The following THSD4 variants were observed in gnomAD, a reference collection of about 807,000 sequenced individuals.
THSD4 encodes thrombospondin type 1 domain containing 4, also known as thrombospondin type-1 domain-containing protein 4.
A neutral mutation model predicts 119.0 loss-of-function variants in THSD4; 69 were observed. That is an observed-to-expected ratio of 0.58 (90% CI 0.48 to 0.71). The LOEUF is 0.71. Among genes scored for constraint, THSD4 ranks in the 30% least tolerant of loss-of-function variants. The pLI is 0.00. For synonymous variants in THSD4, 524 were observed against 540.4 expected, an observed-to-expected ratio of 0.97 and a Z score of 0.42; for missense variants, 1,393 against 1,391.1, an observed-to-expected ratio of 1.00 and a Z score of -0.02.
At chr15:71,742,630 G>T (rs2053258429) in intron 11 of THSD4, among the ~76,000 whole-genome samples, 1 of 152,158 alleles carries the variant, frequency 6.6e-6, no homozygotes, top group Non-Finnish European at 1.5e-5. Context: ...CCTTGTTCCT[G>T]CTTGCTAGCA....
intron 7 of THSD4, among the ~76,000 whole-genome samples, chr15:71,623,168 AG>A (rs563026010): frequency 4.8e-4 from 73 of 152,340 alleles, no homozygotes; most frequent in African/African-American, 1.7e-3. Flanking sequence ...AGGAAAACTG[AG>A]TGTTAGGAAC....
Position 71,524,587 on chromosome 15 carries a change from C to CTTTTTTT in THSD4, c.1152+112786_1152+112792dup, listed in dbSNP as rs71438517. On this transcript the variant is annotated intron_variant, in intron 7 of 17. Transcript: ENST00000261862. ...TAAGAGCCCTTCTTGGTTTATGCCT[C>CTTTTTTT]TTTTTTTTTTTTTTTTTTTTTTTTT... 4.9e-3 allele frequency among the ~76,000 whole-genome samples: 289 copies of CTTTTTTT among 59,530 alleles called. 25 individuals are homozygous for CTTTTTTT. The highest frequency in any genetic ancestry group is 7.9e-3 in the Non-Finnish European group (253 of 31,982). The allele number at this position is 59,530 out of a possible 152,430, so 39.1% of individuals were successfully genotyped here.
chr15:71,450,664 C>A (rs2047250824), intron 7 of THSD4, among the ~76,000 whole-genome samples: 1 of 152,164 alleles, frequency 6.6e-6, no homozygotes, highest in Non-Finnish European at 1.5e-5. Flanking sequence ...GTTCACAAGC[C>A]CCCATTTCAC....
chr15:71,242,719 C>A lies in THSD4; in HGVS notation c.535C>A (p.Gln179Lys). 1 of 1,614,194 alleles carries A rather than the reference C, an allele frequency of 6.2e-7. No homozygotes were observed. The highest frequency in any genetic ancestry group is 1.1e-5 in the South Asian group (1 of 91,070). The stretch of plus-strand genomic sequence containing the variant: ...TAAGGCCCCATATATCTTACCACTG[C>A]AGACAGACACTGCACACACGCCACA... Reference protein sequence around the residue: ...YGKAPYILPLQTDTAHTPQRL... With the variant: ...YGKAPYILPLKTDTAHTPQRL... Residue 179 changes from glutamine to lysine, a missense_variant, in exon 5 of 18, where the codon CAG becomes AAG. By Grantham distance (53) the Gln-to-Lys change is moderately conservative. Coordinates refer to ENST00000261862, the MANE Select transcript of THSD4 (RefSeq NM_024817.3).
intron 7 of THSD4, among the ~76,000 whole-genome samples, chr15:71,482,974 A>G (rs189448188): frequency 2.0e-5 from 3 of 152,330 alleles, no homozygotes; most frequent in East Asian, 3.9e-4. Context: ...CTCATTGGCC[A>G]GAACCATTGC....
intron 6 of THSD4, among the ~76,000 whole-genome samples, chr15:71,373,559 T>G (rs1353673158): frequency 1.3e-5 from 2 of 152,200 alleles, no homozygotes; most frequent in African/African-American, 2.4e-5. Context: ...ACTATATTTT[T>G]GGGATCTTTT....
chr15:71,163,358 A>G (rs2043264093), intron 3 of THSD4, among the ~76,000 whole-genome samples: 1 of 152,054 alleles, frequency 6.6e-6, no homozygotes, highest in African/African-American at 2.4e-5. Flanking sequence ...AATGGAAAGA[A>G]TCCAAGTCAA....
At chr15:71,487,710 T>C (rs1306747681) in intron 7 of THSD4, among the ~76,000 whole-genome samples, 1 of 152,248 alleles carries the variant, frequency 6.6e-6, no homozygotes, top group Non-Finnish European at 1.5e-5. Context: ...TTCAGAAATA[T>C]TTTTAAATTT....
intron 7 of THSD4, among the ~76,000 whole-genome samples, chr15:71,436,528 A>G (rs1301639075): frequency 6.6e-6 from 1 of 152,202 alleles, no homozygotes; most frequent in Non-Finnish European, 1.5e-5. Context: ...TGGCTGGCAT[A>G]TCAGGTCTGG....
intron 7 of THSD4, among the ~76,000 whole-genome samples, chr15:71,654,989 G>T (rs1037607077): frequency 6.6e-6 from 1 of 152,198 alleles, no homozygotes; most frequent in African/African-American, 2.4e-5. Flanking sequence ...CATCCAGATT[G>T]CTCATTTCCC....
At chr15:71,335,587 C>T (rs112653540) in intron 6 of THSD4, among the ~76,000 whole-genome samples, 9 of 152,062 alleles carry the variant, frequency 5.9e-5, no homozygotes, top group African/African-American at 1.2e-4. Flanking sequence ...GTCACGGGTG[C>T]GAGAGAAGGG....
chr15:71,185,676 C>T (rs1277733158), intron 3 of THSD4: 3 of 152,150 alleles, frequency 2.0e-5, no homozygotes, highest in African/African-American at 4.8e-5. Context: ...GTGCCTTTCA[C>T]AGGGAAGACG....
intron 6 of THSD4, among the ~76,000 whole-genome samples, chr15:71,294,288 C>G (rs1169900944): frequency 6.6e-6 from 1 of 152,164 alleles, no homozygotes; most frequent in Non-Finnish European, 1.5e-5. Context: ...CTGTCTAGCT[C>G]AGTTACCAGG....
intron 7 of THSD4, among the ~76,000 whole-genome samples, chr15:71,607,087 T>C (rs72740642): frequency 0.079 from 12,017 of 152,146 alleles, 529 homozygotes; most frequent in Admixed American, 0.12. Context: ...GAGATACAAA[T>C]GGAGATACAG....
chr15:71,346,830 C>A (rs1596354990), intron 6 of THSD4, among the ~76,000 whole-genome samples: 1 of 149,342 alleles, frequency 6.7e-6, no homozygotes, highest in Non-Finnish European at 1.5e-5. Context: ...ACACACATCT[C>A]AAATTCCGAA....
chr15:71,411,333 A>G (rs1210426607), intron 6 of THSD4, among the ~76,000 whole-genome samples: 1 of 152,170 alleles, frequency 6.6e-6, no homozygotes, highest in Non-Finnish European at 1.5e-5. Context: ...TGCACTTTTA[A>G]AAAGTGTGTG....
At chr15:71,315,420 A>C (rs1014724360) in intron 6 of THSD4, among the ~76,000 whole-genome samples, 2 of 152,190 alleles carry the variant, frequency 1.3e-5, no homozygotes, top group African/African-American at 4.8e-5. Flanking sequence ...CCAGGGAGAT[A>C]TTTCAAAGCC....
Position 71,716,019 on chromosome 15 carries a change from C to T in THSD4, c.1358-12530C>T, listed in dbSNP as rs114467568. 1.4e-3 allele frequency among the ~76,000 whole-genome samples: 220 copies of T among 152,286 alleles called. 1 individual carries two copies. The highest frequency in any genetic ancestry group is 5.1e-3 in the African/African-American group (210 of 41,562). ...AACAGAAATTCATTCTCTCACAGTT[C>T]TGGAGACCAGAATTCTGAAATCAAG... On this transcript the variant is annotated intron_variant, in intron 8 of 17. Transcript: ENST00000261862.
chr15:71,103,756 G>A (rs2040262834), intron 1 of THSD4, among the ~76,000 whole-genome samples: 1 of 151,750 alleles, frequency 6.6e-6, no homozygotes, highest in Non-Finnish European at 1.5e-5. Flanking sequence ...ATTGCCTGTG[G>A]GCTGAGGCTG....
Sources: gnomAD v4.1 joint callset for allele counts (sites outside exome capture counted in the v4.1 genomes callset) on GRCh38, gnomAD v4.1.1 for gene constraint, MANE v1.5 for transcripts, NCBI Gene and HGNC (gene_info 2026-07-23, HGNC 2026-07-21) for gene names.